SATB1: variants seen among roughly 807,000 people sequenced by gnomAD.
SATB1 encodes DNA-binding protein SATB1.
Under a neutral mutation model 86.9 loss-of-function variants are expected in SATB1, and 11 were observed. The observed-to-expected ratio is 0.13, with a 90% CI of 0.08 to 0.21. The LOEUF (loss-of-function observed/expected upper bound fraction) is 0.21, where lower values mean the gene tolerates loss of function less well. SATB1 is among the 10% of genes least tolerant of loss of function. SATB1 has a pLI of 1.00. For synonymous variants in SATB1, 357 were observed against 357.2 expected (o/e 1.00, Z 0.01); for missense variants, 551 against 937.6 (o/e 0.59, Z 5.39).
At chr3:18,415,324 G>C in intron 4 of SATB1, 90 bp from the exon 5 acceptor site, 1 of 1,464,188 alleles carries the variant, frequency 6.8e-7, no homozygotes, top group Non-Finnish European at 9.4e-7. Context: ...TTCATTTTGC[G>C]CATCAAACAG....
chr3:18,380,088 C>A (rs1695969127), intron 8 of SATB1, among the ~76,000 whole-genome samples: 1 of 152,140 alleles, frequency 6.6e-6, no homozygotes, highest in Non-Finnish European at 1.5e-5. Context: ...CTGGGGTGGT[C>A]TTGCTTTGAG....
intron 10 of SATB1, chr3:18,351,294 G>C: frequency 6.5e-7 from 1 of 1,536,050 alleles, no homozygotes; most frequent in Non-Finnish European, 8.7e-7. Context: ...TGGTGGCATA[G>C]GTAACTGTGC....
chr3:18,384,316 T>C (rs1696212393), intron 8 of SATB1, among the ~76,000 whole-genome samples: 1 of 152,186 alleles, frequency 6.6e-6, no homozygotes, highest in South Asian at 2.1e-4. Context: ...TAATAAGAAT[T>C]GGTATAACTT....
intron 7 of SATB1, among the ~76,000 whole-genome samples, chr3:18,391,739 G>A (rs769707422): frequency 6.6e-6 from 1 of 151,864 alleles, no homozygotes; most frequent in Non-Finnish European, 1.5e-5. Context: ...CTATACATAC[G>A]CATTAGCATG....
At chr3:18,436,958 C>G (rs529717995) in intron 1 of SATB1, 4 of 152,168 alleles carry the variant, frequency 2.6e-5, no homozygotes, top group Admixed American at 2.6e-4. Flanking sequence ...GCTTTAAATC[C>G]CTCTAGTTTC....
chr3:18,439,295 C>A (rs1405807859), upstream of SATB1, among the ~76,000 whole-genome samples: 2 of 152,166 alleles, frequency 1.3e-5, no homozygotes, highest in Non-Finnish European at 2.9e-5. Context: ...ACTGCAACAA[C>A]TGTAAAAGTG....
Position 18,424,656 on chromosome 3 carries a change from G to GC in SATB1, c.-1055dup, listed in dbSNP as rs1251341162. 1 of 151,618 alleles carries GC rather than the reference G, an allele frequency of 6.6e-6. No individual in the cohort carries two copies. Among genetic ancestry groups the GC allele is most frequent in the Non-Finnish European group, 1.5e-5 (1 of 67,958 alleles). The allele number at this position is 151,618 out of a possible 1,614,324, so 9.4% of individuals were successfully genotyped here. A position where few individuals can be genotyped will look rare whatever the true frequency, so the allele number is the denominator to read the frequency against. ...CCGCCTAGGCAGCGACAAACTCCCC[G>GC]CCCCCTCCCCCCAAAAAGTCGCCAA... On this transcript the variant is annotated 5_prime_UTR_variant, in exon 1 of 11. Coordinates refer to ENST00000338745, the MANE Select transcript of SATB1 (RefSeq NM_002971.6).
intron 5 of SATB1, among the ~76,000 whole-genome samples, chr3:18,397,553 C>T (rs988155392): frequency 5.3e-5 from 8 of 152,132 alleles, no homozygotes; most frequent in Non-Finnish European, 1.0e-4. Flanking sequence ...CATTGAATCT[C>T]CATCAATGCC....
Position 18,346,825 on chromosome 3 carries a change from G to A in SATB1, c.*2345C>T, listed in dbSNP as rs1308657702. The A allele has an allele frequency of 6.6e-6, 1 of 152,098 alleles. No homozygotes were observed. The highest frequency in any genetic ancestry group is 1.5e-5 in the Non-Finnish European group (1 of 67,996). The allele number at this position is 152,098 out of a possible 1,614,324, so 9.4% of individuals were successfully genotyped here. ...ACTTAGGGGATATAAGGAAGAGGAAGATAACTTCATGGCATTTGAGTTTCT... is the reference window on the plus strand; with the variant it reads ...ACTTAGGGGATATAAGGAAGAGGAAAATAACTTCATGGCATTTGAGTTTCT... On this transcript the variant is annotated 3_prime_UTR_variant, in exon 11 of 11. Coordinates refer to ENST00000338745, the MANE Select transcript of SATB1 (RefSeq NM_002971.6).
Position 18,397,276 on chromosome 3 carries a change from G to T in SATB1, c.654C>A (p.Ser218=), listed in dbSNP as rs780543742. 7 of 1,597,770 alleles carry T rather than the reference G, an allele frequency of 4.4e-6. No homozygotes were observed. The South Asian group carries it at 7.7e-5, about 18-fold the overall frequency. The change falls in exon 6 of 11, where the codon TCC becomes TCA. Residue 218 remains serine (S), a synonymous_variant. Coordinates refer to ENST00000338745, the MANE Select transcript of SATB1 (RefSeq NM_002971.6). ...ECPLSQSMIS[S]IVNSTYYANV... ...TTGCATAGTAAGTACTGTTCACAAT[G>T]GAAGAAATCATACTCTGCATGAAGA...
At chr3:18,399,180 C>T (rs925449214) in intron 5 of SATB1, among the ~76,000 whole-genome samples, 1 of 152,106 alleles carries the variant, frequency 6.6e-6, no homozygotes, top group African/African-American at 2.4e-5. Flanking sequence ...CCAAATTTTG[C>T]CGAGGTTTTT....
chr3:18,393,431 A>T (rs1045406809), intron 7 of SATB1, among the ~76,000 whole-genome samples: 5 of 152,174 alleles, frequency 3.3e-5, no homozygotes, highest in Non-Finnish European at 7.3e-5. Context: ...ACAAAGAAAA[A>T]AATTCTTCTC....
Position 18,424,323 on chromosome 3 carries a change from A to ACCCCCCCCCC in SATB1, c.-722_-721insGGGGGGGGGG, listed in dbSNP as rs138686151. Reference sequence around the variant, plus strand: ...CCTCGCCTCCCTTCCAATCACCCCCACCCCCCTCGCCAACAATCGCGACTA... The same window carrying ACCCCCCCCCC: ...CCTCGCCTCCCTTCCAATCACCCCCACCCCCCCCCCCCCCCCTCGCCAACAATCGCGACTA... On this transcript the variant is annotated 5_prime_UTR_variant, in exon 1 of 11. Transcript: ENST00000338745. 2.0e-5 allele frequency: 3 copies of ACCCCCCCCCC among 147,498 alleles called. No individual in the cohort carries two copies. The highest frequency in any genetic ancestry group is 6.7e-5 in the Admixed American group (1 of 14,846). 9.1% of individuals were successfully genotyped at this position (147,498 alleles called of 1,614,324 possible).
intron 2 of SATB1, chr3:18,417,764 G>A: frequency 3.0e-6 from 2 of 672,596 alleles, no homozygotes; most frequent in South Asian, 3.2e-5. Flanking sequence ...TAACTAAAAA[G>A]AGAGCACGGT....
At chr3:18,398,822 C>T (rs975808016) in intron 5 of SATB1, among the ~76,000 whole-genome samples, 2 of 152,098 alleles carry the variant, frequency 1.3e-5, no homozygotes, top group Admixed American at 6.5e-5. Context: ...AATCCAATAG[C>T]TTGCAATTTC....
Position 18,444,218 on chromosome 3 carries a change from A to G in SATB1, c.-25+1300T>C, listed in dbSNP as rs1401489053. Among the ~76,000 whole-genome samples, 1 of 150,480 alleles carries G rather than the reference A, an allele frequency of 6.6e-6. No individual in the cohort carries two copies. The highest frequency in any genetic ancestry group is 1.5e-5 in the Non-Finnish European group (1 of 67,554). ...GCACCGAGAGGCTCCCCTTTTCCCC[A>G]TTTGCTTCCTTCGGTCTTTTCCACT... On this transcript the variant is annotated intron_variant, in intron 1 of 3. Transcript: ENST00000415069. The surrounding 1 kb of genome is among the most constrained non-coding windows in gnomAD (Gnocchi z 5.1).
At chr3:18,412,506 A>C (rs913641139) in intron 5 of SATB1, among the ~76,000 whole-genome samples, 4 of 152,100 alleles carry the variant, frequency 2.6e-5, no homozygotes, top group African/African-American at 7.2e-5. Flanking sequence ...TCAACAAAAT[A>C]AAACCCTTAC....
At position 18,417,189 on chromosome 3, in the gene SATB1, C is replaced by T. The variant is rs561581010; in HGVS notation, c.212-111G>A. 3.7e-6 allele frequency: 4 copies of T among 1,090,610 alleles called. No individual in the cohort carries two copies. The South Asian group carries it at 5.4e-5, about 15-fold the overall frequency. The allele number at this position is 1,090,610 out of a possible 1,614,324, so 67.6% of individuals were successfully genotyped here. A position where few individuals can be genotyped will look rare whatever the true frequency, so the allele number is the denominator to read the frequency against. On this transcript the variant is annotated intron_variant, in intron 2 of 10. Coordinates refer to ENST00000338745, the MANE Select transcript of SATB1 (RefSeq NM_002971.6). Reference sequence around the variant, plus strand: ...TGAAAATAAATAATCACAAGAGATTCACTGTGCTTCCAAGGCAGACTGGGT... The same window carrying T: ...TGAAAATAAATAATCACAAGAGATTTACTGTGCTTCCAAGGCAGACTGGGT...
chr3:18,378,855 C>T (rs1439949596), intron 8 of SATB1, among the ~76,000 whole-genome samples: 2 of 152,106 alleles, frequency 1.3e-5, no homozygotes, highest in African/African-American at 2.4e-5. Context: ...TGCAGAACTG[C>T]GTATTTAAAT....
Sources: gnomAD v4.1 joint callset for allele counts (sites outside exome capture counted in the v4.1 genomes callset) on GRCh38, gnomAD v4.1.1 for gene constraint, Gnocchi (gnomAD v3.1) non-coding constraint, MANE v1.5 for transcripts, NCBI Gene and HGNC (gene_info 2026-07-23, HGNC 2026-07-21) for gene names.